The following KATNAL2 variants were observed in gnomAD, a reference collection of about 807,000 sequenced individuals.
The protein encoded by KATNAL2 is katanin catalytic subunit A1 like 2.
A neutral mutation model predicts 76.3 loss-of-function variants in KATNAL2; 52 were observed. The ratio of observed to expected loss-of-function variants is 0.68; its 90% CI spans 0.55 to 0.86. KATNAL2 has a LOEUF of 0.86. KATNAL2 is among the 40% of genes least tolerant of loss of function. The pLI is 0.00. For missense variants in KATNAL2, 660 were observed against 668.9 expected (o/e 0.99, Z 0.15); for synonymous variants, 243 against 244.2 (o/e 1.00, Z 0.05).
In KATNAL2 at chr18:47,059,572, C is replaced by G. The variant is rs142467674; in HGVS notation, c.467C>G (p.Thr156Ser). The part of the protein sequence containing the change: ...EHPNQEVVDN[T>S]RLESANFGLH... The stretch of plus-strand genomic sequence containing the variant: ...TTTCTTCAGGAGGTAGTTGATAACA[C>G]TCGCCTGGAAAGTGCCAACTTCGGC... The change falls in exon 8 of 18, where the codon ACT (threonine) becomes AGT (serine). Residue 156 changes from threonine to serine, a missense_variant. Coordinates refer to ENST00000683218, the MANE Select transcript of KATNAL2 (RefSeq NM_001387690.1). 555 of 1,611,916 alleles carry G rather than the reference C, an allele frequency of 3.4e-4. 3 individuals are homozygous for G. In the East Asian group the frequency reaches 0.012, roughly 35 times the overall value.
intron 3 of KATNAL2, among the ~76,000 whole-genome samples, chr18:46,956,953 G>A (rs1478251367): frequency 1.3e-5 from 2 of 148,360 alleles, no homozygotes; most frequent in Non-Finnish European, 3.0e-5. Flanking sequence ...TGAGACAAGA[G>A]AATTGGTTGA....
Position 47,102,018 on chromosome 18 carries a change from C to T in KATNAL2, c.*1013C>T, listed in dbSNP as rs1279001956. 1 of 152,162 alleles carries T rather than the reference C, an allele frequency of 6.6e-6. No homozygotes were observed. Among genetic ancestry groups the T allele is most frequent in the Non-Finnish European group, 1.5e-5 (1 of 68,042 alleles). 9.4% of individuals were successfully genotyped at this position (152,162 alleles called of 1,614,324 possible). On this transcript the variant is annotated 3_prime_UTR_variant, in exon 18 of 18. Coordinates refer to ENST00000683218, the MANE Select transcript of KATNAL2 (RefSeq NM_001387690.1). Reference sequence around the variant, plus strand: ...CTCTTCCTTGCCTTGTCTTCATCATCCCTGCAGACAGACTCTTCAAGAGGA... The same window carrying T: ...CTCTTCCTTGCCTTGTCTTCATCATTCCTGCAGACAGACTCTTCAAGAGGA...
At chr18:47,084,835 CAA>C (rs1416017662) in intron 15 of KATNAL2, among the ~76,000 whole-genome samples, 1 of 104,358 alleles carries the variant, frequency 9.6e-6, no homozygotes, top group African/African-American at 3.7e-5. Context: ...GATGACAGAG[CAA>C]GACTCTGTCT....
intron 4 of KATNAL2, among the ~76,000 whole-genome samples, chr18:47,051,688 G>A (rs1035255473): frequency 2.6e-5 from 4 of 152,194 alleles, no homozygotes; most frequent in Admixed American, 2.6e-4. Flanking sequence ...TCAACTGACT[G>A]TGGTTTGCAG....
intron 3 of KATNAL2, among the ~76,000 whole-genome samples, chr18:46,952,446 C>A (rs1599432312): frequency 7.9e-6 from 1 of 126,676 alleles, no homozygotes; most frequent in African/African-American, 3.1e-5. Context: ...GTCACCCAGG[C>A]TGGAGTGCAA....
intron 8 of KATNAL2, among the ~76,000 whole-genome samples, chr18:47,061,121 G>T (rs1014609151): frequency 6.6e-6 from 1 of 152,320 alleles, no homozygotes; most frequent in African/African-American, 2.4e-5. Context: ...AGGGTATATG[G>T]CCTGGGGCCA....
At chr18:46,918,718 G>A (rs866026554) in intron 1 of KATNAL2, among the ~76,000 whole-genome samples, 74 of 152,100 alleles carry the variant, frequency 4.9e-4, no homozygotes, top group Middle Eastern at 6.8e-3. Flanking sequence ...CACTGCACCC[G>A]GCCTCCCCTC....
intron 3 of KATNAL2, among the ~76,000 whole-genome samples, chr18:47,043,321 C>G (rs1290775614): frequency 6.6e-6 from 1 of 151,456 alleles, no homozygotes; most frequent in East Asian, 1.9e-4. Context: ...TAATGTTATA[C>G]CTTTTCAAGC....
chr18:46,949,541 C>T (rs1304406865), intron 3 of KATNAL2, among the ~76,000 whole-genome samples: 2 of 152,244 alleles, frequency 1.3e-5, no homozygotes, highest in Non-Finnish European at 2.9e-5. Flanking sequence ...GCCTTCGTGT[C>T]TGGCTTAATG....
intron 6 of KATNAL2, 129 bp from the exon 7 acceptor site, chr18:47,058,106 C>A: frequency 1.5e-6 from 1 of 686,322 alleles, no homozygotes; most frequent in Non-Finnish European, 2.6e-6. Flanking sequence ...GGTGGAAGGG[C>A]CCTATAGTTG....
At chr18:46,962,131 C>T (rs1247003098) in intron 3 of KATNAL2, among the ~76,000 whole-genome samples, 7 of 135,900 alleles carry the variant, frequency 5.2e-5, no homozygotes, top group Non-Finnish European at 1.0e-4. Flanking sequence ...CTCTAAGAAG[C>T]TGGGACCACA....
At chr18:46,931,103 A>AAATAATAAT (rs36168863) in intron 1 of KATNAL2, among the ~76,000 whole-genome samples, 5,016 of 105,446 alleles carry the variant, frequency 0.048, 148 homozygotes, top group East Asian at 0.12. Context: ...CCGTCTCAGG[A>AAATAATAAT]AATAATAATA....
chr18:47,050,514 T>C (rs1021878952), intron 4 of KATNAL2, among the ~76,000 whole-genome samples: 1 of 152,246 alleles, frequency 6.6e-6, no homozygotes, highest in African/African-American at 2.4e-5. Flanking sequence ...AAAAGTCAGA[T>C]GTAGTTGTTA....
intron 1 of KATNAL2, among the ~76,000 whole-genome samples, chr18:46,935,869 T>C (rs1676983563): frequency 6.6e-6 from 1 of 151,954 alleles, no homozygotes; most frequent in South Asian, 2.1e-4. Flanking sequence ...TGAGCTGAGA[T>C]TGCACCACTG....
At chr18:47,082,333 G>A (rs901506111) in intron 15 of KATNAL2, among the ~76,000 whole-genome samples, 2 of 152,130 alleles carry the variant, frequency 1.3e-5, no homozygotes, top group African/African-American at 4.8e-5. Flanking sequence ...CAGCAGTTGT[G>A]ACAACCAAAA....
chr18:47,035,385 A>T, intron 3 of KATNAL2: 2 of 1,536,696 alleles, frequency 1.3e-6, no homozygotes, highest in African/African-American at 1.4e-5. Flanking sequence ...CGACCTCGGG[A>T]TGTGGAGTCA....
chr18:47,074,833 C>G (rs1317176156), intron 13 of KATNAL2, among the ~76,000 whole-genome samples: 1 of 152,156 alleles, frequency 6.6e-6, no homozygotes, highest in Non-Finnish European at 1.5e-5. Flanking sequence ...CCCAATCCTT[C>G]CCCTGAAATC....
At chr18:47,078,554 A>C (rs567490028) in intron 15 of KATNAL2, among the ~76,000 whole-genome samples, 1 of 152,288 alleles carries the variant, frequency 6.6e-6, no homozygotes, top group East Asian at 1.9e-4. Context: ...TAGGGAAGGA[A>C]TCTTCTTTCC....
At chr18:47,052,809 T>C (rs2061373203) in intron 4 of KATNAL2, 71 bp from the exon 5 acceptor site, 1 of 1,211,944 alleles carries the variant, frequency 8.3e-7, no homozygotes, top group Admixed American at 2.6e-5. Context: ...CCCTTTAGAC[T>C]TGTAATGCCT....
Sources: allele counts gnomAD v4.1 joint callset (sites outside exome capture counted in the v4.1 genomes callset), GRCh38; gene constraint gnomAD v4.1.1; transcripts MANE v1.5; gene names NCBI Gene and HGNC (gene_info 2026-07-23, HGNC 2026-07-21).